LYRM4: variants seen among roughly 807,000 people sequenced by gnomAD.
LYRM4 encodes the protein LYR motif containing 4.
Under a neutral mutation model 11.7 loss-of-function variants are expected in LYRM4, and 9 were observed. That is an observed-to-expected ratio of 0.77 (90% CI 0.46 to 1.34). LYRM4 has a LOEUF of 1.34. Among genes scored for constraint, LYRM4 ranks in the 40% most tolerant of loss-of-function variants. The pLI, the probability that LYRM4 is intolerant of heterozygous loss-of-function variation, is 0.00. For synonymous variants in LYRM4, 42 were observed against 40.4 expected (o/e 1.04, Z -0.15); for missense variants, 133 against 112.5 (o/e 1.18, Z -0.82).
intron 1 of LYRM4, among the ~76,000 whole-genome samples, chr6:5,220,793 A>G (rs540023630): frequency 5.3e-5 from 8 of 152,296 alleles, no homozygotes; most frequent in African/African-American, 1.9e-4. Flanking sequence ...TCAAGTCTTA[A>G]TGTCTAAAGA....
chr6:5,213,859 T>G (rs979611643), intron 2 of LYRM4, among the ~76,000 whole-genome samples: 2 of 152,232 alleles, frequency 1.3e-5, no homozygotes, highest in African/African-American at 4.8e-5. Context: ...TGCATAACAT[T>G]TCCTATGTGC....
intron 2 of LYRM4, among the ~76,000 whole-genome samples, chr6:5,121,073 C>G (rs1324119383): frequency 6.6e-6 from 1 of 152,170 alleles, no homozygotes; most frequent in Non-Finnish European, 1.5e-5. Flanking sequence ...AGGCTTAGCA[C>G]TTATTTTTTG....
the LYRM4 span, among the ~76,000 whole-genome samples, chr6:5,089,808 C>A: frequency 6.6e-6 from 1 of 152,172 alleles, no homozygotes; most frequent in Non-Finnish European, 1.5e-5. Context: ...TGTAGCCTTT[C>A]CAAAGCATTA....
At chr6:5,259,733 T>G (rs957273370) in intron 1 of LYRM4, among the ~76,000 whole-genome samples, 5 of 151,896 alleles carry the variant, frequency 3.3e-5, no homozygotes, top group African/African-American at 1.2e-4. Flanking sequence ...AAGAGATGAG[T>G]TGATCCAACC....
intron 2 of LYRM4, among the ~76,000 whole-genome samples, chr6:5,159,144 G>A (rs766313077): frequency 2.0e-5 from 3 of 152,244 alleles, no homozygotes; most frequent in Admixed American, 6.5e-5. Context: ...AGCAGCGATC[G>A]TACTCTTCCA....
chr6:5,103,965 C>A (rs1426234559), downstream of LYRM4: 6 of 131,968 alleles, frequency 4.5e-5, no homozygotes, highest in African/African-American at 1.8e-4. Context: ...AAAGCAAATA[C>A]TAGTTTATAT....
At chr6:5,060,249 A>G in the LYRM4 span, among the ~76,000 whole-genome samples, 5 of 152,218 alleles carry the variant, frequency 3.3e-5, no homozygotes, top group Admixed American at 1.3e-4. Flanking sequence ...ATTGCCCTCC[A>G]AAGAGTGAGC....
intron 2 of LYRM4, among the ~76,000 whole-genome samples, chr6:5,170,481 C>A: frequency 7.4e-6 from 1 of 134,234 alleles, no homozygotes; most frequent in Admixed American, 7.3e-5. Flanking sequence ...CACTTTATTT[C>A]TTTTATTTAT....
At chr6:5,236,999 T>C (rs1763586801) in intron 1 of LYRM4, among the ~76,000 whole-genome samples, 1 of 152,124 alleles carries the variant, frequency 6.6e-6, no homozygotes, top group Admixed American at 6.6e-5. Flanking sequence ...GGCTTTGAAT[T>C]GCAGTGGGTT....
intron 1 of LYRM4, among the ~76,000 whole-genome samples, chr6:5,249,532 G>A (rs771736205): frequency 1.3e-5 from 2 of 152,130 alleles, no homozygotes; most frequent in African/African-American, 4.8e-5. Flanking sequence ...TCTGAGTTAA[G>A]AGAACTATTA....
chr6:5,226,886 A>G (rs558448566), intron 1 of LYRM4, among the ~76,000 whole-genome samples: 2 of 152,234 alleles, frequency 1.3e-5, no homozygotes, highest in Admixed American at 6.5e-5. Context: ...AATAAAAATC[A>G]GTAATATACC....
intron 1 of LYRM4, among the ~76,000 whole-genome samples, chr6:5,239,239 G>C (rs186396317): frequency 6.6e-6 from 1 of 152,124 alleles, no homozygotes; most frequent in African/African-American, 2.4e-5. Flanking sequence ...TACTGACTAC[G>C]GTAAAGTAAG....
chr6:5,074,599 C>A, the LYRM4 span, among the ~76,000 whole-genome samples: 1 of 150,642 alleles, frequency 6.6e-6, no homozygotes, highest in East Asian at 1.9e-4. Context: ...AACACTTGAA[C>A]AAGTGAGGAG....
downstream of LYRM4, among the ~76,000 whole-genome samples, chr6:5,101,415 G>A (rs944554369): frequency 1.3e-5 from 2 of 152,276 alleles, no homozygotes; most frequent in South Asian, 2.1e-4. Context: ...ATTAAACCTC[G>A]TGAAAGAACT....
the LYRM4 span, among the ~76,000 whole-genome samples, chr6:5,070,272 A>G: frequency 6.6e-6 from 1 of 152,190 alleles, no homozygotes; most frequent in Non-Finnish European, 1.5e-5. Flanking sequence ...CTGCAAGCAG[A>G]ATATGCTAGT....
chr6:5,152,794 AT>A (rs1326460914), intron 2 of LYRM4, among the ~76,000 whole-genome samples: 2 of 152,214 alleles, frequency 1.3e-5, no homozygotes, highest in African/African-American at 4.8e-5. Flanking sequence ...GCTGGTAGGA[AT>A]TCCAGGCTAG....
At chr6:5,100,185 C>A (rs374206374), downstream of LYRM4, among the ~76,000 whole-genome samples, 31 of 152,288 alleles carry the variant, frequency 2.0e-4, no homozygotes, top group African/African-American at 7.5e-4. Flanking sequence ...CAGCATGTGC[C>A]AAACTGCAAG....
At chr6:5,172,292 A>G (rs114100935) in intron 2 of LYRM4, among the ~76,000 whole-genome samples, 2,002 of 152,324 alleles carry the variant, frequency 0.013, 39 homozygotes, top group African/African-American at 0.044. Flanking sequence ...ACAGCACGGA[A>G]GAGCATCACC....
chr6:5,075,716 A>G, the LYRM4 span, among the ~76,000 whole-genome samples: 2 of 152,254 alleles, frequency 1.3e-5, no homozygotes, highest in Non-Finnish European at 2.9e-5. Flanking sequence ...TGAGTGCTAC[A>G]TTGCTTTTTA....
Sources: allele counts gnomAD v4.1 joint callset (sites outside exome capture counted in the v4.1 genomes callset), GRCh38; gene constraint gnomAD v4.1.1; transcripts MANE v1.5; gene names NCBI Gene and HGNC (gene_info 2026-07-23, HGNC 2026-07-21).